Variants in PPARGC1B observed in about 807,000 individuals in gnomAD.
PPARGC1B encodes the protein peroxisome proliferator-activated receptor gamma coactivator 1-beta.
In PPARGC1B, 34 loss-of-function variants were observed where a neutral mutation model predicts 101.6. The observed-to-expected ratio is 0.33, with a 90% CI of 0.25 to 0.45. PPARGC1B has a LOEUF of 0.45. PPARGC1B is among the 20% of genes least tolerant of loss of function. PPARGC1B has a pLI of 1.00. For missense variants in PPARGC1B, 1,234 were observed against 1,317.6 expected (o/e 0.94, Z 0.98); for synonymous variants, 548 against 539.3 (o/e 1.02, Z -0.22).
At chr5:149,796,752 C>T (rs1470334328) in intron 1 of PPARGC1B, among the ~76,000 whole-genome samples, 2 of 152,106 alleles carry the variant, frequency 1.3e-5, no homozygotes, top group East Asian at 3.9e-4. Context: ...AAATTTTGCT[C>T]CTCAGCAGCT....
chr5:149,819,886 T>TCATCATATATGTTCCATCGTATATTA, intron 1 of PPARGC1B, among the ~76,000 whole-genome samples: 1 of 152,254 alleles, frequency 6.6e-6, no homozygotes, highest in South Asian at 2.1e-4. Flanking sequence ...AATTTTATGT[T>TCATCATATATGTTCCATCGTATATTA]CATCATATAT....
At chr5:149,826,947 G>A (rs1163451916) in intron 3 of PPARGC1B, 62 bp downstream of exon 3, 1 of 1,318,396 alleles carries the variant, frequency 7.6e-7, no homozygotes, top group Non-Finnish European at 1.1e-6. Context: ...CTGGTTCAGG[G>A]CATGGGGTGC....
chr5:149,835,871 G>T (rs1196927866), intron 7 of PPARGC1B, among the ~76,000 whole-genome samples: 1 of 151,784 alleles, frequency 6.6e-6, no homozygotes, highest in Non-Finnish European at 1.5e-5. Flanking sequence ...GCAGTGATCA[G>T]TTAGTGATGT....
At chr5:149,758,572 A>G (rs370730044) in intron 1 of PPARGC1B, among the ~76,000 whole-genome samples, 17 of 152,334 alleles carry the variant, frequency 1.1e-4, no homozygotes, top group Admixed American at 5.9e-4. Context: ...TCCACATGGA[A>G]TCTCCTGTGT....
intron 1 of PPARGC1B, among the ~76,000 whole-genome samples, chr5:149,799,749 G>A (rs1345787958): frequency 1.6e-5 from 2 of 125,888 alleles, no homozygotes; most frequent in African/African-American, 5.9e-5. Flanking sequence ...CCAGGCTGGA[G>A]TGCAGTGGCA....
chr5:149,766,990 G>A (rs1291975769), intron 1 of PPARGC1B, among the ~76,000 whole-genome samples: 1 of 152,184 alleles, frequency 6.6e-6, no homozygotes, highest in African/African-American at 2.4e-5. Flanking sequence ...TTCAGCTGAC[G>A]AGGCTGTCGG....
chr5:149,830,756 T>C lies in PPARGC1B; in HGVS notation c.466-11T>C, dbSNP rs1431071963. 2 of 1,605,492 alleles carry C rather than the reference T, an allele frequency of 1.2e-6. No individual in the cohort carries two copies. Among genetic ancestry groups the C allele is most frequent in the East Asian group, 4.5e-5 (2 of 44,824 alleles). The stretch of plus-strand genomic sequence containing the variant: ...CAGCCCCGGCTCCTGTCCTCTCTGC[T>C]TTTCCCTCAGCTGCAGAAGCTCCTC... On this transcript the variant is annotated splice_polypyrimidine_tract_variant and intron_variant, in intron 3 of 11. Transcript: ENST00000309241.
Position 149,750,373 on chromosome 5 carries a change from C to T in PPARGC1B, c.78+19953C>T, listed in dbSNP as rs943934437. On this transcript the variant is annotated intron_variant, in intron 1 of 11. Transcript: ENST00000309241. Reference sequence around the variant, plus strand: ...AATAATTTCTTCCCCTTTTCCACAGCATTATTTTATCCACCTTGAATCATT... The same window carrying T: ...AATAATTTCTTCCCCTTTTCCACAGTATTATTTTATCCACCTTGAATCATT... Among the ~76,000 whole-genome samples the T allele has an allele frequency of 4.0e-5, 6 of 150,874 alleles. No homozygotes were observed. In the East Asian group the frequency reaches 9.8e-4, roughly 25 times the overall value.
chr5:149,807,957 A>G (rs1268476224), intron 1 of PPARGC1B, among the ~76,000 whole-genome samples: 1 of 152,206 alleles, frequency 6.6e-6, no homozygotes, highest in Non-Finnish European at 1.5e-5. Context: ...ATTTAAGGAG[A>G]TGCTAAAAAA....
At chr5:149,773,099 T>A (rs1338281002) in intron 1 of PPARGC1B, among the ~76,000 whole-genome samples, 2 of 152,214 alleles carry the variant, frequency 1.3e-5, no homozygotes, top group African/African-American at 4.8e-5. Flanking sequence ...GCTCTGCCCA[T>A]GCTTAGAGTT....
chr5:149,762,253 C>A (rs1755744233), intron 1 of PPARGC1B, among the ~76,000 whole-genome samples: 1 of 151,430 alleles, frequency 6.6e-6, no homozygotes, highest in Non-Finnish European at 1.5e-5. Context: ...GGCTTAAGCG[C>A]TCCTCCTGCC....
chr5:149,795,007 C>G (rs1200125208), intron 1 of PPARGC1B, among the ~76,000 whole-genome samples: 1 of 152,214 alleles, frequency 6.6e-6, no homozygotes, highest in Admixed American at 6.5e-5. Flanking sequence ...ATCTTGACGT[C>G]AACGGGTCAG....
rs114898181 is a variant in PPARGC1B at position 149,764,053 on chromosome 5, A to G, written c.78+33633A>G. Among the ~76,000 whole-genome samples the G allele has an allele frequency of 1.0e-2, 1,520 of 152,330 alleles. 23 individuals are homozygous for G. The highest frequency in any genetic ancestry group is 0.035 in the African/African-American group (1,442 of 41,580). ...TAAAGAGTATGGACTCTCTTAATGTAAGAATGTCAAAACATAAAAAAGTTC... is the reference window on the plus strand; with the variant it reads ...TAAAGAGTATGGACTCTCTTAATGTGAGAATGTCAAAACATAAAAAAGTTC... On this transcript the variant is annotated intron_variant, in intron 1 of 11. Coordinates refer to ENST00000309241, the MANE Select transcript of PPARGC1B (RefSeq NM_133263.4).
chr5:149,833,147 C>A lies in PPARGC1B; in HGVS notation c.1074C>A (p.Pro358=), dbSNP rs975791446. 1.2e-6 allele frequency: 2 copies of A among 1,613,658 alleles called. No individual in the cohort carries two copies. Among genetic ancestry groups the A allele is most frequent in the African/African-American group, 2.7e-5 (2 of 74,946 alleles). ...ACGTGCTCTGTGATGTCAGCAAACCCTACCGTCTGGCCACGCCTGTTTATG... is the reference window on the plus strand; with the variant it reads ...ACGTGCTCTGTGATGTCAGCAAACCATACCGTCTGGCCACGCCTGTTTATG... The part of the protein sequence containing the change: ...AQDVLCDVSK[P]YRLATPVYAS... Residue 358 remains proline (P), a synonymous_variant, in exon 5 of 12, where the codon CCC becomes CCA. Coordinates refer to ENST00000309241, the MANE Select transcript of PPARGC1B (RefSeq NM_133263.4). The surrounding 1 kb of genome is among the most constrained non-coding windows in gnomAD (Gnocchi z 4.1).
At chr5:149,793,429 G>C (rs940085117) in intron 1 of PPARGC1B, among the ~76,000 whole-genome samples, 1 of 152,102 alleles carries the variant, frequency 6.6e-6, no homozygotes, top group African/African-American at 2.4e-5. Flanking sequence ...TTAAAAGAAG[G>C]CCCTTATACT....
chr5:149,776,315 A>G (rs1174569572), intron 1 of PPARGC1B, among the ~76,000 whole-genome samples: 1 of 152,206 alleles, frequency 6.6e-6, no homozygotes, highest in Non-Finnish European at 1.5e-5. Flanking sequence ...TCCTATCTGC[A>G]CTACAAAAAT....
chr5:149,835,466 G>A (rs777095268), intron 7 of PPARGC1B, 101 bp downstream of exon 7: 32 of 1,014,686 alleles, frequency 3.2e-5, no homozygotes, highest in Non-Finnish European at 4.6e-5. Context: ...AATGAACGAT[G>A]CGCAAGATGC....
chr5:149,832,709 T>C lies in PPARGC1B; in HGVS notation c.636T>C (p.Ser212=), dbSNP rs1486248376. The part of the protein sequence containing the change: ...KAPMMQSQSR[S]CTELHKHLTS... ...CCATGATGCAGTCTCAGAGCCGAAG[T>C]TGTACAGAACTACATAAGCACCTCA... The change falls in exon 5 of 12, where the codon AGT becomes AGC. Residue 212 remains serine, a synonymous_variant. Coordinates refer to ENST00000309241, the MANE Select transcript of PPARGC1B (RefSeq NM_133263.4). The surrounding 1 kb of genome is among the most constrained non-coding windows in gnomAD (Gnocchi z 4.9). 1.1e-5 allele frequency: 18 copies of C among 1,577,716 alleles called. No homozygotes were observed. Among genetic ancestry groups the C allele is most frequent in the Non-Finnish European group, 1.7e-6 (2 of 1,158,682 alleles).
intron 1 of PPARGC1B, among the ~76,000 whole-genome samples, chr5:149,755,235 G>GA (rs1554132309): frequency 6.7e-6 from 1 of 150,136 alleles, no homozygotes; most frequent in Non-Finnish European, 1.5e-5. Context: ...TTTTAAAAAA[G>GA]TTTTTTTTTA....
Sources: gnomAD v4.1 joint callset for allele counts (sites outside exome capture counted in the v4.1 genomes callset) on GRCh38, gnomAD v4.1.1 for gene constraint, Gnocchi (gnomAD v3.1) non-coding constraint, MANE v1.5 for transcripts, NCBI Gene and HGNC (gene_info 2026-07-23, HGNC 2026-07-21) for gene names.